SLC4A5: variants seen among roughly 807,000 people sequenced by gnomAD.
The protein encoded by SLC4A5 is solute carrier family 4 member 5.
A neutral mutation model predicts 120.4 loss-of-function variants in SLC4A5; 96 were observed. The ratio of observed to expected loss-of-function variants is 0.80; its 90% CI spans 0.68 to 0.94. SLC4A5 has a LOEUF of 0.94. SLC4A5 is among the 40% of genes least tolerant of loss of function. The pLI is 0.00. For synonymous variants in SLC4A5, 550 were observed against 571.1 expected (o/e 0.96, Z 0.53); for missense variants, 1,259 against 1,459.5 (o/e 0.86, Z 2.24).
chr2:74,339,536 C>A (rs1234595306), intron 2 of SLC4A5: 2 of 152,158 alleles, frequency 1.3e-5, no homozygotes, highest in Non-Finnish European at 2.9e-5. Flanking sequence ...ATGGTCTCTC[C>A]AGGGAAGAGG....
At chr2:74,263,491 T>A (rs1399132059) in intron 10 of SLC4A5, among the ~76,000 whole-genome samples, 2 of 152,202 alleles carry the variant, frequency 1.3e-5, no homozygotes, top group Non-Finnish European at 2.9e-5. Context: ...GTAGGGCTAG[T>A]GTCCCTGGGC....
intron 7 of SLC4A5, 142 bp downstream of exon 7, chr2:74,304,347 A>T: frequency 2.5e-6 from 2 of 789,014 alleles, no homozygotes; most frequent in Non-Finnish European, 3.8e-6. Context: ...CAATGGAAGC[A>T]GAGCAGAGGG....
chr2:74,244,012 T>C (rs1670528748), intron 19 of SLC4A5, among the ~76,000 whole-genome samples: 1 of 152,208 alleles, frequency 6.6e-6, no homozygotes. Flanking sequence ...GAGTATACTA[T>C]AGTAAGACTG....
At chr2:74,225,099 C>CA in intron 27 of SLC4A5, 104 bp from the exon 28 acceptor site, 2 of 1,134,462 alleles carry the variant, frequency 1.8e-6, no homozygotes, top group Non-Finnish European at 2.5e-6. Context: ...CGGCTGAGTT[C>CA]AGGGACTTTT....
intron 9 of SLC4A5, 139 bp downstream of exon 9, chr2:74,264,965 C>G (rs1328584291): frequency 1.1e-6 from 1 of 946,674 alleles, no homozygotes; most frequent in African/African-American, 1.6e-5. Flanking sequence ...CTGGGAGCAA[C>G]AGAGTCAAAG....
At chr2:74,290,774 G>A (rs1323068832) in intron 7 of SLC4A5, 1 of 986,882 alleles carries the variant, frequency 1.0e-6, no homozygotes, top group Non-Finnish European at 1.2e-6. Context: ...AGCAGCAGGG[G>A]TGGTGGCAGC....
chr2:74,290,214 G>A, intron 7 of SLC4A5: 4 of 985,484 alleles, frequency 4.1e-6, no homozygotes, highest in Non-Finnish European at 4.8e-6. Flanking sequence ...CAGAGAGCAG[G>A]ATGCAAACCA....
intron 7 of SLC4A5, among the ~76,000 whole-genome samples, chr2:74,297,744 G>A (rs1390934553): frequency 6.6e-6 from 1 of 152,126 alleles, no homozygotes; most frequent in Non-Finnish European, 1.5e-5. Flanking sequence ...TTCTGCTTCA[G>A]TCAAAATTGA....
intron 8 of SLC4A5, among the ~76,000 whole-genome samples, chr2:74,281,335 C>T (rs1413550823): frequency 6.6e-6 from 1 of 152,250 alleles, no homozygotes; most frequent in African/African-American, 2.4e-5. Flanking sequence ...GCCCTCCACA[C>T]TTGGGTGGGT....
In SLC4A5 at chr2:74,247,512, T is replaced by G. The variant is rs576407830; in HGVS notation, c.1788-205A>C. On this transcript the variant is annotated intron_variant, in intron 18 of 30. Transcript: ENST00000394019. The stretch of plus-strand genomic sequence containing the variant: ...CATGGGGGTCCAGTGTTCATCTTTA[T>G]AAGAACTTTTTTTTTTTTTTGAGAA... 4.6e-5 allele frequency among the ~76,000 whole-genome samples: 7 copies of G among 152,138 alleles called. No homozygotes were observed. In the East Asian group the frequency reaches 1.4e-3, roughly 29 times the overall value.
chr2:74,306,965 C>A, intron 6 of SLC4A5: 1 of 604,060 alleles, frequency 1.7e-6, no homozygotes, highest in East Asian at 3.8e-5. Flanking sequence ...CTGCCTGGGT[C>A]TGTGCCAGCT....
intron 8 of SLC4A5, among the ~76,000 whole-genome samples, chr2:74,285,016 C>A (rs73948734): frequency 0.023 from 3,564 of 152,220 alleles, 137 homozygotes; most frequent in African/African-American, 0.08. Context: ...CCTTTTACAG[C>A]ATTTACCTTG....
intron 30 of SLC4A5, 93 bp from the exon 31 acceptor site, chr2:74,218,885 T>C (rs844167): frequency 0.98 from 150,294 of 152,726 alleles, 73,965 homozygotes; most frequent in Middle Eastern, 1. Flanking sequence ...CTTCCATCTT[T>C]GCTTCTGAAC....
chr2:74,265,065 G>A (rs1408445929), intron 9 of SLC4A5, 39 bp downstream of exon 9: 2 of 1,583,830 alleles, frequency 1.3e-6, no homozygotes, highest in Admixed American at 1.7e-5. Flanking sequence ...TGGTTTGCAG[G>A]GACCACAGGA....
rs571098366 is a variant in SLC4A5 at position 74,227,693 on chromosome 2, A to C, written c.2916+117T>G. 3.0e-4 allele frequency: 363 copies of C among 1,194,718 alleles called. 1 individual carries two copies. Among genetic ancestry groups the C allele is most frequent in the Admixed American group, 4.3e-4 (18 of 41,518 alleles). 74.0% of individuals were successfully genotyped at this position (1,194,718 alleles called of 1,614,324 possible). A position where few individuals can be genotyped will look rare whatever the true frequency, so the allele number is the denominator to read the frequency against. On this transcript the variant is annotated intron_variant, in intron 26 of 30. Transcript: ENST00000394019. ...GTATCATTATTACTATTATTCTTTC[A>C]TTGAATTAGGACAATTGGGGACAAT...
intron 4 of SLC4A5, among the ~76,000 whole-genome samples, chr2:74,330,881 G>T (rs1431184127): frequency 2.4e-5 from 2 of 84,864 alleles, no homozygotes; most frequent in African/African-American, 9.0e-5. Context: ...AGGTGGTGAG[G>T]TCTAGATGTG....
chr2:74,279,448 G>C (rs1192956436), intron 8 of SLC4A5, among the ~76,000 whole-genome samples: 1 of 152,014 alleles, frequency 6.6e-6, no homozygotes, highest in Non-Finnish European at 1.5e-5. Flanking sequence ...CCCCTTCTCA[G>C]TCTCTTTCGT....
Position 74,246,649 on chromosome 2 carries a change from G to T in SLC4A5, c.2059+387C>A, listed in dbSNP as rs909033569. 2.4e-4 allele frequency among the ~76,000 whole-genome samples: 36 copies of T among 152,200 alleles called. 1 individual carries two copies. On this transcript the variant is annotated intron_variant, in intron 19 of 30. Coordinates refer to ENST00000394019, the Ensembl canonical transcript of SLC4A5. ...GCCACACGGGCAGCTCTGTCTTGGGGAGAGCTCATCGTATCATGACTTGAT... is the reference window on the plus strand; with the variant it reads ...GCCACACGGGCAGCTCTGTCTTGGGTAGAGCTCATCGTATCATGACTTGAT...
At chr2:74,301,040 A>C (rs1001866619) in intron 7 of SLC4A5, among the ~76,000 whole-genome samples, 1 of 152,106 alleles carries the variant, frequency 6.6e-6, no homozygotes, top group Admixed American at 6.5e-5. Flanking sequence ...AAGTACAGAC[A>C]CCCAAGCCCC....
Sources: allele counts gnomAD v4.1 joint callset (sites outside exome capture counted in the v4.1 genomes callset), GRCh38; gene constraint gnomAD v4.1.1; transcripts MANE v1.5; gene names NCBI Gene and HGNC (gene_info 2026-07-23, HGNC 2026-07-21).